Variants in CNTN4 observed in about 807,000 individuals in gnomAD.
The protein encoded by CNTN4 is contactin 4, also known as contactin-4.
A neutral mutation model predicts 122.5 loss-of-function variants in CNTN4; 77 were observed. The ratio of observed to expected loss-of-function variants is 0.63; its 90% CI spans 0.52 to 0.76. The LOEUF (loss-of-function observed/expected upper bound fraction) is 0.76, where lower values mean the gene tolerates loss of function less well. Among genes scored for constraint, CNTN4 ranks in the 30% least tolerant of loss-of-function variants. The pLI is 0.00. For synonymous variants in CNTN4, 512 were observed against 447.0 expected, an observed-to-expected ratio of 1.15 and a Z score of -1.83; for missense variants, 1,256 against 1,259.1, an observed-to-expected ratio of 1.00 and a Z score of 0.04.
chr3:2,661,208 A>T (rs1024743198), intron 4 of CNTN4, among the ~76,000 whole-genome samples: 1 of 152,184 alleles, frequency 6.6e-6, no homozygotes, highest in East Asian at 1.9e-4. Context: ...GCTTTTTCTT[A>T]TGTCTCCAGT....
intron 13 of CNTN4, among the ~76,000 whole-genome samples, chr3:2,932,293 G>A (rs1213344732): frequency 6.6e-6 from 1 of 152,142 alleles, no homozygotes; most frequent in Non-Finnish European, 1.5e-5. Context: ...CAGGAGAATG[G>A]CGTGAACCCA....
chr3:2,265,283 A>T (rs1411069313), intron 2 of CNTN4, among the ~76,000 whole-genome samples: 1 of 152,006 alleles, frequency 6.6e-6, no homozygotes, highest in Admixed American at 6.6e-5. Context: ...GGCTGGTTCC[A>T]TATTTTTGCA....
At chr3:3,007,147 A>G (rs1162650332) in intron 14 of CNTN4, among the ~76,000 whole-genome samples, 1 of 152,218 alleles carries the variant, frequency 6.6e-6, no homozygotes, top group African/African-American at 2.4e-5. Context: ...GTTGTTTACT[A>G]TTGTGCATGT....
chr3:2,566,671 C>T (rs1288354387), intron 3 of CNTN4, among the ~76,000 whole-genome samples: 1 of 152,192 alleles, frequency 6.6e-6, no homozygotes, highest in Non-Finnish European at 1.5e-5. Flanking sequence ...ACATACAAAA[C>T]AAGCCAGTGG....
chr3:2,532,807 TC>T (rs1198251029), intron 3 of CNTN4, among the ~76,000 whole-genome samples: 3 of 152,160 alleles, frequency 2.0e-5, no homozygotes, highest in African/African-American at 7.2e-5. Context: ...TAGAAAAAAG[TC>T]ATATCTTCCC....
intron 2 of CNTN4, among the ~76,000 whole-genome samples, chr3:2,192,952 A>G (rs1265497862): frequency 6.6e-6 from 1 of 152,194 alleles, no homozygotes; most frequent in East Asian, 1.9e-4. Context: ...CTTCTAATAC[A>G]GCTTCACTAT....
chr3:2,116,784 A>C (rs2033384241), intron 2 of CNTN4, among the ~76,000 whole-genome samples: 1 of 152,116 alleles, frequency 6.6e-6, no homozygotes, highest in African/African-American at 2.4e-5. Context: ...CCCAACACAA[A>C]GACTCTTTAC....
At chr3:2,781,465 T>A (rs114961240) in intron 6 of CNTN4, among the ~76,000 whole-genome samples, 3,430 of 152,146 alleles carry the variant, frequency 0.023, 142 homozygotes, top group African/African-American at 0.078. Context: ...GAAGAGATAT[T>A]ATTTGAATGT....
At chr3:2,431,507 A>T (rs970628904) in intron 3 of CNTN4, among the ~76,000 whole-genome samples, 13 of 152,212 alleles carry the variant, frequency 8.5e-5, no homozygotes, top group African/African-American at 2.9e-4. Context: ...AAAGTGATGC[A>T]TTAGACTGAA....
At chr3:2,746,143 G>GAACAAATTTTAC (rs71058639) in intron 6 of CNTN4, among the ~76,000 whole-genome samples, 1 of 149,906 alleles carries the variant, frequency 6.7e-6, no homozygotes. Flanking sequence ...GCGAGCAATT[G>GAACAAATTTTAC]AGCTGCCAGT....
At chr3:2,324,302 T>A (rs767132164) in intron 2 of CNTN4, among the ~76,000 whole-genome samples, 1 of 151,494 alleles carries the variant, frequency 6.6e-6, no homozygotes. Context: ...GTCTGCAGCA[T>A]TTTCTTCCCA....
intron 3 of CNTN4, among the ~76,000 whole-genome samples, chr3:2,550,808 G>T (rs2078468471): frequency 6.6e-6 from 1 of 152,144 alleles, no homozygotes; most frequent in Non-Finnish European, 1.5e-5. Context: ...CAGGGACATG[G>T]ATGAAGCTGG....
At chr3:2,816,970 C>G (rs1307884564) in intron 6 of CNTN4, among the ~76,000 whole-genome samples, 1 of 151,966 alleles carries the variant, frequency 6.6e-6, no homozygotes, top group Non-Finnish European at 1.5e-5. Flanking sequence ...CAAACTTTGA[C>G]ATAATACCCA....
intron 6 of CNTN4, among the ~76,000 whole-genome samples, chr3:2,764,266 G>A (rs1026081098): frequency 6.6e-6 from 1 of 152,164 alleles, no homozygotes; most frequent in African/African-American, 2.4e-5. Flanking sequence ...GAAAATGGTA[G>A]TGGTTCTATA....
intron 2 of CNTN4, among the ~76,000 whole-genome samples, chr3:2,253,946 T>TACA (rs1410366203): frequency 2.0e-5 from 3 of 152,190 alleles, no homozygotes; most frequent in Non-Finnish European, 4.4e-5. Context: ...ACATGCAGGT[T>TACA]TGTTACATAG....
At chr3:2,933,063 C>T (rs2094538065) in intron 13 of CNTN4, among the ~76,000 whole-genome samples, 2 of 152,064 alleles carry the variant, frequency 1.3e-5, no homozygotes, top group South Asian at 4.1e-4. Context: ...ACCTCGTGAT[C>T]CGCCCGCCTC....
chr3:2,662,643 A>T (rs573434755), intron 4 of CNTN4, among the ~76,000 whole-genome samples: 3 of 152,190 alleles, frequency 2.0e-5, no homozygotes, highest in African/African-American at 7.2e-5. Context: ...CTCAACCTCA[A>T]TGGGCAATAT....
At chr3:2,178,380 A>T (rs969403844) in intron 2 of CNTN4, among the ~76,000 whole-genome samples, 1 of 152,066 alleles carries the variant, frequency 6.6e-6, no homozygotes, top group African/African-American at 2.4e-5. Context: ...TGTTTCACAA[A>T]GTGTGATAGG....
intron 2 of CNTN4, among the ~76,000 whole-genome samples, chr3:2,275,754 T>C (rs2041480559): frequency 6.6e-6 from 1 of 151,724 alleles, no homozygotes; most frequent in Non-Finnish European, 1.5e-5. Context: ...ACCCCGTTTC[T>C]ACTGAAAATA....
Sources: gnomAD v4.1 joint callset for allele counts (sites outside exome capture counted in the v4.1 genomes callset) on GRCh38, gnomAD v4.1.1 for gene constraint, MANE v1.5 for transcripts, NCBI Gene and HGNC (gene_info 2026-07-23, HGNC 2026-07-21) for gene names.